ZNF467: variants seen among roughly 807,000 people sequenced by gnomAD.
The protein encoded by ZNF467 is zinc finger protein 467, also known as zinc finger protein EZI.
Under a neutral mutation model 47.8 loss-of-function variants are expected in ZNF467, and 51 were observed. The observed-to-expected ratio is 1.07, with a 90% CI of 0.85 to 1.35. ZNF467 has a LOEUF of 1.35. ZNF467 is among the 40% of genes most tolerant of loss of function. The pLI, the probability that ZNF467 is intolerant of heterozygous loss-of-function variation, is 0.00. For missense variants in ZNF467, 992 were observed against 858.1 expected (o/e 1.16, Z -1.95); for synonymous variants, 416 against 372.9 (o/e 1.12, Z -1.33).
rs1799316932 is a variant in ZNF467 at position 149,769,269 on chromosome 7, T to G, written c.152-69A>C. 2 of 1,388,972 alleles carry G rather than the reference T, an allele frequency of 1.4e-6. No homozygotes were observed. The highest frequency in any genetic ancestry group is 9.7e-7 in the Non-Finnish European group (1 of 1,031,460). The allele number at this position is 1,388,972 out of a possible 1,614,324, so 86.0% of individuals were successfully genotyped here. ...GATGGCCAAAGGGCCCCACTGGTGC[T>G]GGGAAGCAGGAGCATTTGAAACCCT... On this transcript the variant is annotated intron_variant, in intron 3 of 4. Transcript: ENST00000302017. The surrounding 1 kb of genome is among the most constrained non-coding windows in gnomAD (Gnocchi z 5.3).
At position 149,769,899 on chromosome 7, in the gene ZNF467, C is replaced by T. The variant is rs1296406656; in HGVS notation, c.151+541G>A. 6.6e-6 allele frequency among the ~76,000 whole-genome samples: 1 copy of T among 152,076 alleles called. No homozygotes were observed. Among genetic ancestry groups the T allele is most frequent in the Admixed American group, 6.5e-5 (1 of 15,274 alleles). The stretch of plus-strand genomic sequence containing the variant: ...CTTGCCATGTTGCCTAGGCTGGTCT[C>T]GAATGGGGCTCAAGCAATCCTTCCA... On this transcript the variant is annotated intron_variant, in intron 3 of 4. Coordinates refer to ENST00000302017, the MANE Select transcript of ZNF467 (RefSeq NM_207336.3). This position sits in a 1 kb window ranked among gnomAD's most constrained non-coding sequence, Gnocchi z 5.3.
chr7:149,770,452 C>T lies in ZNF467; in HGVS notation c.139G>A (p.Gly47Arg). The T allele has an allele frequency of 6.2e-7, 1 of 1,611,606 alleles. No homozygotes were observed. Among genetic ancestry groups the T allele is most frequent in the Non-Finnish European group, 8.5e-7 (1 of 1,178,644 alleles). Residue 47 changes from glycine to arginine, a missense_variant, in exon 3 of 5, where the codon GGG becomes AGG. Gly to Arg is a moderately radical substitution (Grantham distance 125). Transcript: ENST00000302017. ...TCCTGTTACCTACCTGAGCACACCC[C>T]CAGTGCTCTCTCTTCCCTAGAAGAG... ...MSSSREERAL[G>R]VCSGHEAPTP...
At chr7:149,768,881 C>T (rs929800438) in intron 4 of ZNF467, among the ~76,000 whole-genome samples, 10 of 152,228 alleles carry the variant, frequency 6.6e-5, no homozygotes, top group African/African-American at 2.4e-4. Flanking sequence ...GCCTCTCTGA[C>T]TCCTGCCATC....
At chr7:149,771,156 T>G (rs925975648) in intron 1 of ZNF467, 82 bp from the exon 2 acceptor site, 29 of 1,167,804 alleles carry the variant, frequency 2.5e-5, no homozygotes, top group Non-Finnish European at 3.4e-5. Context: ...CCTCTCCCTA[T>G]GGGCTCTTCC....
intron 1 of ZNF467, among the ~76,000 whole-genome samples, chr7:149,772,390 C>CT (rs1799449622): frequency 8.5e-6 from 1 of 117,590 alleles, no homozygotes; most frequent in African/African-American, 3.6e-5. Context: ...CCCCTCCCCC[C>CT]TCCCAGGCTG....
At position 149,765,677 on chromosome 7, in the gene ZNF467, C is replaced by A. The variant is rs144084437; in HGVS notation, c.825G>T (p.Thr275=). 7 of 1,613,042 alleles carry A rather than the reference C, an allele frequency of 4.3e-6. No individual in the cohort carries two copies. Among genetic ancestry groups the A allele is most frequent in the Non-Finnish European group, 5.9e-6 (7 of 1,179,780 alleles). The stretch of plus-strand genomic sequence containing the variant: ...TCTTGCGAAAGCGCTTCTCGCATTC[C>A]GTGCAGGGGAAGGGCCGCTCGCCGG... ...THTGERPFPC[T]ECEKRFRKKT... is the part of the protein sequence containing the mutation. Residue 275 remains threonine, a synonymous_variant, in exon 5 of 5, where the codon ACG becomes ACT. Coordinates refer to ENST00000302017, the MANE Select transcript of ZNF467 (RefSeq NM_207336.3).
chr7:149,773,906 G>A (rs1052069116), upstream of ZNF467, among the ~76,000 whole-genome samples: 1 of 152,190 alleles, frequency 6.6e-6, no homozygotes, highest in Admixed American at 6.5e-5. Flanking sequence ...AGCCGCGGGA[G>A]CCGTGGGGGC....
upstream of ZNF467, among the ~76,000 whole-genome samples, chr7:149,775,848 T>A (rs1208927762): frequency 6.6e-6 from 1 of 151,816 alleles, no homozygotes; most frequent in Non-Finnish European, 1.5e-5. Flanking sequence ...TCCAATCCGG[T>A]TGTGGGCAGC....
intron 1 of ZNF467, 73 bp from the exon 2 acceptor site, chr7:149,771,147 C>G (rs1799393603): frequency 3.1e-6 from 4 of 1,287,348 alleles, no homozygotes; most frequent in Admixed American, 1.8e-5. Flanking sequence ...TCTGCCCAAC[C>G]TCTCCCTATG....
chr7:149,773,679 G>A (rs941880372), upstream of ZNF467, among the ~76,000 whole-genome samples: 22 of 148,272 alleles, frequency 1.5e-4, no homozygotes, highest in African/African-American at 5.5e-4. Flanking sequence ...GGGGAACGAG[G>A]AGGGGCCGTG....
rs1799200798 is a variant in ZNF467, at chr7:149,765,986, C to T, written c.516G>A (p.Gln172=). 6.4e-7 allele frequency: 1 copy of T among 1,556,722 alleles called. No homozygotes were observed. The change falls in exon 5 of 5, where the codon CAG becomes CAA. Residue 172 remains glutamine, a synonymous_variant. Coordinates refer to ENST00000302017, the MANE Select transcript of ZNF467 (RefSeq NM_207336.3). ...GCCGCTGGTGCAGTCGCAACGTCAGCTGGTCCCGGAAGCGCCGCTCACACT... is the reference window on the plus strand; with the variant it reads ...GCCGCTGGTGCAGTCGCAACGTCAGTTGGTCCCGGAAGCGCCGCTCACACT... The part of the protein sequence containing the change: ...CGECERRFRD[Q]LTLRLHQRLH...
upstream of ZNF467, chr7:149,776,244 C>A: frequency 8.8e-7 from 1 of 1,132,878 alleles, no homozygotes; most frequent in Non-Finnish European, 1.2e-6. Context: ...ACCTTAGCAT[C>A]CTCCTTACTT....
intron 1 of ZNF467, 38 bp from the exon 2 acceptor site, chr7:149,771,112 C>T (rs987743300): frequency 1.1e-5 from 18 of 1,591,566 alleles, no homozygotes; most frequent in African/African-American, 6.7e-5. Context: ...ATTTTTCCCA[C>T]GCCAGCTTCC....
At chr7:149,767,814 G>A (rs1230768175) in intron 4 of ZNF467, among the ~76,000 whole-genome samples, 1 of 152,120 alleles carries the variant, frequency 6.6e-6, no homozygotes, top group African/African-American at 2.4e-5. Flanking sequence ...AGCTTCCTGA[G>A]TCGCTGGGAT....
In ZNF467 at chr7:149,766,130, C is replaced by T. The variant is rs1260617061; in HGVS notation, c.372G>A (p.Ala124=). 6.2e-7 allele frequency: 1 copy of T among 1,604,688 alleles called. No individual in the cohort carries two copies. The highest frequency in any genetic ancestry group is 2.2e-5 in the East Asian group (1 of 44,588). The change falls in exon 5 of 5, where the codon GCG becomes GCA. Residue 124 remains alanine, a synonymous_variant. Coordinates refer to ENST00000302017, the MANE Select transcript of ZNF467 (RefSeq NM_207336.3). ...HLSLLPSPFP[A]PDLGHLAAAY... is the part of the protein sequence containing the mutation. ...CGGCAGCCAGATGCCCCAGGTCAGG[C>T]GCGGGAAAGGGGCTGGGAAGTAACG...
intron 4 of ZNF467, among the ~76,000 whole-genome samples, chr7:149,768,535 C>T (rs750158432): frequency 3.9e-5 from 6 of 152,196 alleles, no homozygotes; most frequent in Admixed American, 6.5e-5. Flanking sequence ...CTCAATAAAT[C>T]CTTGCTGAAT....
upstream of ZNF467, among the ~76,000 whole-genome samples, chr7:149,775,778 G>T (rs976552286): frequency 1.3e-5 from 2 of 151,870 alleles, no homozygotes; most frequent in African/African-American, 4.8e-5. Context: ...TGCACTGGAA[G>T]GGGACAGGAA....
upstream of ZNF467, among the ~76,000 whole-genome samples, chr7:149,774,004 T>G (rs895876219): frequency 1.3e-5 from 2 of 148,788 alleles, no homozygotes; most frequent in East Asian, 4.0e-4. The surrounding 1 kb of genome is among the most constrained non-coding windows in gnomAD (Gnocchi z 5.7). Context: ...CCAGGTCCCC[T>G]GGGAGAAGGC....
Position 149,771,022 on chromosome 7 carries a change from G to T in ZNF467, c.11C>A (p.Thr4Asn), listed in dbSNP as rs769502416. The change falls in exon 2 of 5, where the codon ACC becomes AAC. Residue 4 changes from threonine to asparagine, a missense_variant. Transcript: ENST00000302017. ...ACCCAGGGAGCTGAGGGCCTCCAAG[G>T]TCTCTCTCATGGTAACCCAGAGTAG... MRE[T>N]LEALSSLGFS... 4.3e-6 allele frequency: 7 copies of T among 1,613,924 alleles called. No individual in the cohort carries two copies. Among genetic ancestry groups the T allele is most frequent in the African/African-American group, 1.3e-5 (1 of 74,914 alleles).
Sources: gnomAD v4.1 joint callset for allele counts (sites outside exome capture counted in the v4.1 genomes callset) on GRCh38, gnomAD v4.1.1 for gene constraint, Gnocchi (gnomAD v3.1) non-coding constraint, MANE v1.5 for transcripts, NCBI Gene and HGNC (gene_info 2026-07-23, HGNC 2026-07-21) for gene names.